CPEB2: variants seen among roughly 807,000 people sequenced by gnomAD.
CPEB2 encodes the protein cytoplasmic polyadenylation element-binding protein 2.
In CPEB2, 56 loss-of-function variants were observed where a neutral mutation model predicts 93.6. That is an observed-to-expected ratio of 0.60 (90% CI 0.48 to 0.75). The LOEUF (loss-of-function observed/expected upper bound fraction) is 0.75, where lower values mean the gene tolerates loss of function less well. Ranked by LOEUF, CPEB2 falls within the 30% of genes least tolerant of loss-of-function variation. The probability of loss-of-function intolerance (pLI) is 0.00; values close to 1 mark genes in which losing one functional copy is unlikely to be tolerated. For synonymous variants in CPEB2, 764 were observed against 586.3 expected (o/e 1.30, Z -4.38); for missense variants, 1,579 against 1,395.1 (o/e 1.13, Z -2.10).
chr4:15,052,922 T>C (rs11930171), intron 7 of CPEB2, among the ~76,000 whole-genome samples: 2,732 of 152,130 alleles, frequency 0.018, 80 homozygotes, highest in African/African-American at 0.062. Context: ...CACCATAATG[T>C]GTGCATGCAC....
rs1728494962 is a variant in CPEB2, at chr4:15,054,051, T to G, written c.2372-77T>G. The G allele has an allele frequency of 1.6e-5, 15 of 928,650 alleles. 1 individual carries two copies. The South Asian group carries it at 1.9e-4, about 12-fold the overall frequency. The allele number at this position is 928,650 out of a possible 1,614,324, so 57.5% of individuals were successfully genotyped here. ...TTTGGCACTTTTAAATGTTAAATCT[T>G]CATAGTAACAGTACAGAATTTCTTA... is the stretch of plus-strand genomic sequence containing the variant. On this transcript the variant is annotated intron_variant, in intron 7 of 11. Transcript: ENST00000538197.
At chr4:15,046,732 TTTATATATTTTGTCC>T (rs1727744422) in intron 6 of CPEB2, among the ~76,000 whole-genome samples, 1 of 152,234 alleles carries the variant, frequency 6.6e-6, no homozygotes, top group Admixed American at 6.5e-5. Context: ...ATGGGAGTTC[TTTATATATTTTGTCC>T]TATTTTCCAG....
chr4:15,041,846 C>A (rs1283611718), intron 6 of CPEB2, among the ~76,000 whole-genome samples: 1 of 152,176 alleles, frequency 6.6e-6, no homozygotes. Context: ...TTCAGATTAT[C>A]TGAATTTAAC....
At chr4:15,053,869 A>T (rs903263706) in intron 7 of CPEB2, among the ~76,000 whole-genome samples, 1 of 152,162 alleles carries the variant, frequency 6.6e-6, no homozygotes, top group African/African-American at 2.4e-5. Flanking sequence ...ATACAATGTT[A>T]TATAAAATTT....
At chr4:15,008,988 G>C (rs907686839) in intron 3 of CPEB2, among the ~76,000 whole-genome samples, 2 of 152,132 alleles carry the variant, frequency 1.3e-5, no homozygotes, top group Non-Finnish European at 2.9e-5. Context: ...TGGAGAAACC[G>C]TTAGTCAAAA....
At chr4:15,029,831 A>G (rs973255949) in intron 4 of CPEB2, among the ~76,000 whole-genome samples, 4 of 152,120 alleles carry the variant, frequency 2.6e-5, no homozygotes, top group Non-Finnish European at 5.9e-5. Flanking sequence ...CACTTTAGCT[A>G]TCACATCAGC....
chr4:15,035,942 C>T (rs753772386), intron 5 of CPEB2, among the ~76,000 whole-genome samples: 1 of 152,154 alleles, frequency 6.6e-6, no homozygotes, highest in African/African-American at 2.4e-5. Context: ...CATACTGTTA[C>T]AATTGTTGGG....
At chr4:15,029,677 A>G (rs1212897535) in intron 4 of CPEB2, among the ~76,000 whole-genome samples, 1 of 152,128 alleles carries the variant, frequency 6.6e-6, no homozygotes, top group East Asian at 1.9e-4. Flanking sequence ...TGGCTTGAGT[A>G]AGATAGAAGT....
chr4:15,061,383 T>G (rs1223168124), intron 10 of CPEB2, among the ~76,000 whole-genome samples: 1 of 152,032 alleles, frequency 6.6e-6, no homozygotes, highest in African/African-American at 2.4e-5. Context: ...AGGAGCAGAA[T>G]TAGTGGGATA....
chr4:15,002,681 A>T lies in CPEB2; in HGVS notation c.8A>T (p.Asp3Val). 6.7e-7 allele frequency: 1 copy of T among 1,494,616 alleles called. No homozygotes were observed. Among genetic ancestry groups the T allele is most frequent in the South Asian group, 1.2e-5 (1 of 80,668 alleles). The allele number at this position is 1,494,616 out of a possible 1,614,324, so 92.6% of individuals were successfully genotyped here. The change falls in exon 1 of 12, where the codon GAT becomes GTT. Residue 3 changes from aspartate to valine, a missense_variant. Physicochemically the swap from Asp to Val is radical, Grantham distance 152. Around this residue, in one of 2 missense-constraint regions of CPEB2, gnomAD observed 1,411 missense variants for 1,056.0 expected, o/e 1.34. Coordinates refer to ENST00000538197, the MANE Select transcript of CPEB2 (RefSeq NM_001177382.2). MR[D>V]FGFGVLQTAP... ...CTGCCGGCGGCCTGATAAATGAGGG[A>T]TTTCGGGTTTGGGGTGCTGCAGACC... is the stretch of plus-strand genomic sequence containing the variant.
chr4:15,027,833 G>A (rs1003091150), intron 4 of CPEB2, among the ~76,000 whole-genome samples: 1 of 152,086 alleles, frequency 6.6e-6, no homozygotes, highest in African/African-American at 2.4e-5. Context: ...CTACATATAT[G>A]TATTAACTCA....
chr4:15,056,177 T>C (rs184895401), intron 8 of CPEB2, among the ~76,000 whole-genome samples: 5 of 152,270 alleles, frequency 3.3e-5, no homozygotes, highest in Admixed American at 2.0e-4. Flanking sequence ...TAACAAAAAA[T>C]ACTATAGGGT....
chr4:15,052,500 T>C lies in CPEB2; in HGVS notation c.2287T>C (p.Tyr763His). 1 of 1,599,158 alleles carries C rather than the reference T, an allele frequency of 6.3e-7. No homozygotes were observed. Among genetic ancestry groups the C allele is most frequent in the Non-Finnish European group, 8.5e-7 (1 of 1,170,524 alleles). Residue 763 changes from tyrosine to histidine, a missense_variant, in exon 7 of 12, where the codon TAT becomes CAT. Transcript: ENST00000538197. ...QVGVLNSPTC[Y>H]SAHQNGERIE... ...TGGAGTTTTAAATTCACCCACCTGTTATTCAGCTCACCAAAATGGAGAGCG... is the reference window on the plus strand; with the variant it reads ...TGGAGTTTTAAATTCACCCACCTGTCATTCAGCTCACCAAAATGGAGAGCG...
chr4:15,031,250 C>T lies in CPEB2; in HGVS notation c.2126-1911C>T, dbSNP rs1022785827. 5.3e-5 allele frequency among the ~76,000 whole-genome samples: 8 copies of T among 151,978 alleles called. No homozygotes were observed. The South Asian group carries it at 6.2e-4, about 12-fold the overall frequency. On this transcript the variant is annotated intron_variant, in intron 4 of 11. Transcript: ENST00000538197. ...TAACTTATTATGCTGAACAGTGATA[C>T]AGGTTGCCATTTTGTAGGAGTTTGT...
chr4:15,060,284 C>G (rs1050464961), intron 10 of CPEB2, among the ~76,000 whole-genome samples: 1 of 152,100 alleles, frequency 6.6e-6, no homozygotes, highest in South Asian at 2.1e-4. Context: ...GGTATTTATT[C>G]TCAGAGCAAG....
Position 15,003,219 on chromosome 4 carries a change from C to G in CPEB2, c.546C>G (p.Phe182Leu), listed in dbSNP as rs1722224568. The G allele has an allele frequency of 6.5e-7, 1 of 1,532,384 alleles. No individual in the cohort carries two copies. The highest frequency in any genetic ancestry group is 1.2e-5 in the South Asian group (1 of 83,924). The allele number at this position is 1,532,384 out of a possible 1,614,324, so 94.9% of individuals were successfully genotyped here. The change falls in exon 1 of 12, where the codon TTC becomes TTG. Residue 182 changes from phenylalanine to leucine, a missense_variant. By Grantham distance (22) the Phe-to-Leu change is conservative. Transcript: ENST00000538197. ...TGAGCAGCCAGAAGAGGAAAGAGTT[C>G]AGCCCTCCCCACCTTCCCCACCCTC... ...QQLSSQKRKE[F>L]SPPHLPHPPD...
intron 3 of CPEB2, among the ~76,000 whole-genome samples, chr4:15,016,548 TG>T (rs1253585496): frequency 1.3e-5 from 2 of 151,918 alleles, no homozygotes; most frequent in Admixed American, 6.6e-5. Flanking sequence ...GCAGGGGAGT[TG>T]GGGGAGGCCG....
chr4:15,019,191 A>C (rs942650397), intron 4 of CPEB2, among the ~76,000 whole-genome samples: 30 of 151,674 alleles, frequency 2.0e-4, no homozygotes, highest in Non-Finnish European at 1.5e-5. Flanking sequence ...AAGTAGAGAA[A>C]AAAGAAAAAA....
chr4:15,016,629 T>A (rs1472096160), intron 3 of CPEB2, among the ~76,000 whole-genome samples: 7 of 151,986 alleles, frequency 4.6e-5, no homozygotes, highest in Admixed American at 4.6e-4. Flanking sequence ...ATTCTAGGCA[T>A]TAGTCCCTGT....
Sources: gnomAD v4.1 joint callset for allele counts (sites outside exome capture counted in the v4.1 genomes callset) on GRCh38, gnomAD v4.1.1 for gene constraint, gnomAD v4.1.1 regional missense constraint, MANE v1.5 for transcripts, NCBI Gene and HGNC (gene_info 2026-07-23, HGNC 2026-07-21) for gene names.